The following DNMBP variants were observed in gnomAD, a reference collection of about 807,000 sequenced individuals.
DNMBP encodes dynamin-binding protein.
A neutral mutation model predicts 150.0 loss-of-function variants in DNMBP; 87 were observed. The observed-to-expected ratio is 0.58, with a 90% CI of 0.49 to 0.69. The LOEUF (loss-of-function observed/expected upper bound fraction) is 0.69, where lower values mean the gene tolerates loss of function less well. Among genes scored for constraint, DNMBP ranks in the 30% least tolerant of loss-of-function variants. The pLI, the probability that DNMBP is intolerant of heterozygous loss-of-function variation, is 0.00. For synonymous variants in DNMBP, 711 were observed against 750.4 expected (o/e 0.95, Z 0.86); for missense variants, 1,774 against 1,949.0 (o/e 0.91, Z 1.69).
intron 4 of DNMBP, chr10:99,931,045 T>C: frequency 3.0e-6 from 1 of 330,452 alleles, no homozygotes; most frequent in Non-Finnish European, 5.4e-6. Flanking sequence ...GTTTGGTGTT[T>C]CCCTCAAGCT....
At chr10:99,932,121 C>G (rs528854720) in intron 4 of DNMBP, among the ~76,000 whole-genome samples, 4 of 152,122 alleles carry the variant, frequency 2.6e-5, no homozygotes, top group African/African-American at 9.7e-5. Context: ...AAGAGACAGG[C>G]CTTAATAAGA....
chr10:99,928,962 G>C (rs2040113712), intron 4 of DNMBP, among the ~76,000 whole-genome samples: 1 of 152,000 alleles, frequency 6.6e-6, no homozygotes, highest in South Asian at 2.1e-4. Context: ...TGGGCAACAT[G>C]GTGAAACCCT....
At chr10:99,947,547 C>T in intron 4 of DNMBP, among the ~76,000 whole-genome samples, 1 of 137,102 alleles carries the variant, frequency 7.3e-6, no homozygotes. Flanking sequence ...ACAACAGACA[C>T]TGGGGACTAC....
At position 100,001,193 on chromosome 10, in the gene DNMBP, T is replaced by G. The variant is rs1461530736; in HGVS notation, c.-11+8645A>C. On this transcript the variant is annotated intron_variant, in intron 1 of 16. Transcript: ENST00000324109. The stretch of plus-strand genomic sequence containing the variant: ...TTGCAGTGAGCCGAGATGGCACCAC[T>G]GCACTCCAGCCTGGAGGACAGAGCA... 2.6e-5 allele frequency among the ~76,000 whole-genome samples: 3 copies of G among 115,550 alleles called. No individual in the cohort carries two copies. The East Asian group carries it at 8.1e-4, about 31-fold the overall frequency. The allele number at this position is 115,550 out of a possible 152,430, so 75.8% of individuals were successfully genotyped here.
chr10:99,974,693 T>C (rs926407718), intron 1 of DNMBP, among the ~76,000 whole-genome samples: 14 of 152,140 alleles, frequency 9.2e-5, no homozygotes, highest in African/African-American at 3.4e-4. Context: ...GGACTCTACC[T>C]TCCATCTCAC....
chr10:99,956,695 T>G lies in DNMBP; in HGVS notation c.779A>C (p.Asn260Thr). Residue 260 changes from asparagine to threonine, a missense_variant, in exon 4 of 17, where the codon AAT becomes ACT. This residue lies in a region of DNMBP where 344 missense variants were observed against 456.6 expected (regional missense o/e 0.75). Transcript: ENST00000324109. ...ALYRFQALEP[N>T]ELDFEVGDKI... The stretch of plus-strand genomic sequence containing the variant: ...ATCCCCGACCTCGAAATCCAGCTCA[T>G]TTGGCTCCAGGGCTTGGAATCTGTA... 2 of 1,613,714 alleles carry G rather than the reference T, an allele frequency of 1.2e-6. No homozygotes were observed. Among genetic ancestry groups the G allele is most frequent in the Non-Finnish European group, 1.7e-6 (2 of 1,179,658 alleles).
At chr10:99,920,460 C>G (rs560930894) in intron 4 of DNMBP, among the ~76,000 whole-genome samples, 1 of 152,220 alleles carries the variant, frequency 6.6e-6, no homozygotes, top group African/African-American at 2.4e-5. Flanking sequence ...TATCTCTTCC[C>G]AGACTTCGAC....
chr10:99,911,231 C>A (rs913191299), intron 4 of DNMBP, among the ~76,000 whole-genome samples: 5 of 151,464 alleles, frequency 3.3e-5, no homozygotes, highest in Admixed American at 3.3e-4. Flanking sequence ...AAAAAAAAAT[C>A]TGGCCAGGTG....
chr10:99,878,686 G>A (rs567409469), intron 16 of DNMBP, among the ~76,000 whole-genome samples: 11 of 152,164 alleles, frequency 7.2e-5, no homozygotes, highest in Non-Finnish European at 1.6e-4. Flanking sequence ...TTCCCATGAG[G>A]GCAAATCCTT....
At chr10:99,883,638 C>CA (rs71009782) in intron 15 of DNMBP, among the ~76,000 whole-genome samples, 4,174 of 65,498 alleles carry the variant, frequency 0.064, 298 homozygotes, top group East Asian at 0.069. Flanking sequence ...AAGACTGCCA[C>CA]AAAAAAAAAA....
chr10:99,923,832 T>C (rs1298892372), intron 4 of DNMBP, among the ~76,000 whole-genome samples: 4 of 152,198 alleles, frequency 2.6e-5, no homozygotes, highest in African/African-American at 9.7e-5. Flanking sequence ...AACATTTCCC[T>C]ACAGTCTTTT....
chr10:99,879,060 G>A (rs1295087993), intron 16 of DNMBP, among the ~76,000 whole-genome samples: 2 of 117,112 alleles, frequency 1.7e-5, no homozygotes, highest in African/African-American at 7.1e-5. Context: ...ACTCCAGCCT[G>A]GGCGACAGAG....
At chr10:99,989,212 C>A (rs143332437) in intron 1 of DNMBP, among the ~76,000 whole-genome samples, 1 of 152,334 alleles carries the variant, frequency 6.6e-6, no homozygotes, top group African/African-American at 2.4e-5. Flanking sequence ...TGTAATCATG[C>A]AGTGCCTCCC....
intron 6 of DNMBP, among the ~76,000 whole-genome samples, chr10:99,903,013 C>T (rs2039768422): frequency 1.3e-5 from 2 of 151,966 alleles, no homozygotes; most frequent in Admixed American, 6.6e-5. Context: ...TTGCCAACTG[C>T]AGCCTCCAAC....
At chr10:99,977,548 T>C (rs1164162851) in intron 1 of DNMBP, among the ~76,000 whole-genome samples, 2 of 152,208 alleles carry the variant, frequency 1.3e-5, no homozygotes, top group Non-Finnish European at 2.9e-5. Context: ...GGTGAACGCC[T>C]ATCTTTCCAC....
intron 4 of DNMBP, among the ~76,000 whole-genome samples, chr10:99,945,136 C>A (rs995168970): frequency 1.1e-4 from 16 of 152,054 alleles, no homozygotes; most frequent in Non-Finnish European, 1.9e-4. Flanking sequence ...TCCTTCTCAG[C>A]ATTTCTTAGG....
rs1241511629 is a variant in DNMBP at position 99,917,798 on chromosome 10, T to TA, written c.2261-8653dup. 1.5e-4 allele frequency among the ~76,000 whole-genome samples: 22 copies of TA among 150,930 alleles called. No homozygotes were observed. In the South Asian group the frequency reaches 4.0e-3, roughly 27 times the overall value. On this transcript the variant is annotated intron_variant, in intron 4 of 16. Transcript: ENST00000324109. ...GGCCAACATGGTGAAACCCCGTCTC[T>TA]AAAAAAAATACAAAAATTAGCTGGG...
At chr10:100,009,629 G>A (rs1362179043) in intron 1 of DNMBP, among the ~76,000 whole-genome samples, 1 of 152,084 alleles carries the variant, frequency 6.6e-6, no homozygotes, top group African/African-American at 2.4e-5. Context: ...GTGCGAGGGG[G>A]CCCGCTGCGC....
chr10:99,983,569 C>T (rs983888860), intron 1 of DNMBP, among the ~76,000 whole-genome samples: 27 of 152,186 alleles, frequency 1.8e-4, no homozygotes, highest in African/African-American at 6.5e-4. Context: ...CCCCTCTTGG[C>T]CGCAGCATCC....
Sources: gnomAD v4.1 joint callset for allele counts (sites outside exome capture counted in the v4.1 genomes callset) on GRCh38, gnomAD v4.1.1 for gene constraint, gnomAD v4.1.1 regional missense constraint, MANE v1.5 for transcripts, NCBI Gene and HGNC (gene_info 2026-07-23, HGNC 2026-07-21) for gene names.